CLASP1: variants seen among roughly 807,000 people sequenced by gnomAD.
CLASP1 encodes CLIP-associating protein 1.
In CLASP1, 38 loss-of-function variants were observed where a neutral mutation model predicts 192.3. The observed-to-expected ratio is 0.20, with a 90% confidence interval of 0.15 to 0.26. The LOEUF is 0.26. CLASP1 is among the 10% of genes least tolerant of loss of function. The probability of loss-of-function intolerance (pLI) is 1.00; values close to 1 mark genes in which losing one functional copy is unlikely to be tolerated. For missense variants in CLASP1, 1,433 were observed against 1,932.5 expected (o/e 0.74, Z 4.85); for synonymous variants, 691 against 712.8 (o/e 0.97, Z 0.49).
At chr2:121,532,541 A>G (rs1158668628) in intron 2 of CLASP1, 1 of 152,212 alleles carries the variant, frequency 6.6e-6, no homozygotes, top group Non-Finnish European at 1.5e-5. Context: ...CAGTCTAAAC[A>G]TGAGGAAAAC....
At chr2:121,482,888 C>T (rs2092698355) in intron 8 of CLASP1, among the ~76,000 whole-genome samples, 1 of 152,152 alleles carries the variant, frequency 6.6e-6, no homozygotes, top group African/African-American at 2.4e-5. Flanking sequence ...CAAACTCTCC[C>T]CAGGACCGGA....
intron 1 of CLASP1, among the ~76,000 whole-genome samples, chr2:121,630,690 T>C (rs981993053): frequency 2.1e-5 from 3 of 144,656 alleles, no homozygotes; most frequent in Non-Finnish European, 4.5e-5. Context: ...ATGGCAAAAC[T>C]CTGTCTCTAC....
chr2:121,382,830 G>C (rs1261016614), intron 32 of CLASP1, among the ~76,000 whole-genome samples: 2 of 152,208 alleles, frequency 1.3e-5, no homozygotes, highest in African/African-American at 2.4e-5. Flanking sequence ...CTCCAGCATG[G>C]AGCAGTGCAT....
At chr2:121,431,749 T>G (rs969878026) in intron 19 of CLASP1, among the ~76,000 whole-genome samples, 5 of 151,868 alleles carry the variant, frequency 3.3e-5, no homozygotes, top group African/African-American at 4.8e-5. Context: ...TCCCTTGGTT[T>G]TTTTTTTTTT....
intron 6 of CLASP1, among the ~76,000 whole-genome samples, chr2:121,524,348 T>C (rs1490857684): frequency 1.3e-5 from 2 of 152,144 alleles, no homozygotes; most frequent in African/African-American, 2.4e-5. Flanking sequence ...TTTGGTAACT[T>C]AGAATCTTTT....
chr2:121,570,285 G>T (rs939617610), intron 2 of CLASP1, among the ~76,000 whole-genome samples: 2 of 152,210 alleles, frequency 1.3e-5, no homozygotes, highest in African/African-American at 2.4e-5. Context: ...CTATCACTAG[G>T]GTGGGAGGAA....
At chr2:121,434,229 A>C (rs1377243778) in intron 19 of CLASP1, among the ~76,000 whole-genome samples, 1 of 152,164 alleles carries the variant, frequency 6.6e-6, no homozygotes, top group Non-Finnish European at 1.5e-5. Flanking sequence ...CAAAGCTGTC[A>C]TAGGTTTATC....
chr2:121,552,790 CAA>C (rs2058160632), intron 2 of CLASP1, among the ~76,000 whole-genome samples: 1 of 152,204 alleles, frequency 6.6e-6, no homozygotes, highest in Non-Finnish European at 1.5e-5. Context: ...GGCAATTCCT[CAA>C]AGAGCTAGAA....
At chr2:121,519,572 G>C (rs1378024138) in intron 6 of CLASP1, among the ~76,000 whole-genome samples, 1 of 152,188 alleles carries the variant, frequency 6.6e-6, no homozygotes. Flanking sequence ...GCAGGCACAA[G>C]CATACACACA....
chr2:121,387,986 T>C (rs1376404730), intron 30 of CLASP1, 80 bp from the exon 32 acceptor site: 2 of 1,134,906 alleles, frequency 1.8e-6, no homozygotes, highest in African/African-American at 1.6e-5. Flanking sequence ...TAAAAAAATA[T>C]TTTATAAGTA....
intron 2 of CLASP1, among the ~76,000 whole-genome samples, chr2:121,565,775 G>A (rs879873351): frequency 6.6e-6 from 1 of 152,214 alleles, no homozygotes; most frequent in Non-Finnish European, 1.5e-5. Flanking sequence ...GCATGCTCAA[G>A]TCTAGATGCT....
At chr2:121,449,181 CTCTGGAG>C in intron 16 of CLASP1, 61 bp from the exon 17 acceptor site, 4 of 1,443,420 alleles carry the variant, frequency 2.8e-6, no homozygotes, top group Non-Finnish European at 3.8e-6. Flanking sequence ...TTTTGCTGAA[CTCTGGAG>C]TACACCACAG....
intron 38 of CLASP1, 119 bp from the exon 40 acceptor site, chr2:121,347,273 A>C (rs2063565914): frequency 1.4e-6 from 1 of 698,306 alleles, no homozygotes; most frequent in Admixed American, 2.2e-5. Flanking sequence ...TGTCAGTAAC[A>C]ACCAGGATAG....
chr2:121,408,956 G>T, intron 24 of CLASP1: 1 of 1,399,246 alleles, frequency 7.1e-7, no homozygotes, highest in Non-Finnish European at 9.8e-7. Context: ...GTTTTCACTA[G>T]CTTCTAAAAG....
At chr2:121,492,682 A>T (rs939381178) in intron 8 of CLASP1, among the ~76,000 whole-genome samples, 18 of 151,946 alleles carry the variant, frequency 1.2e-4, no homozygotes, top group African/African-American at 1.9e-4. Context: ...AATAAAAAAA[A>T]AAAAAAACAA....
intron 8 of CLASP1, among the ~76,000 whole-genome samples, chr2:121,486,219 T>A (rs2092962687): frequency 6.6e-6 from 1 of 152,180 alleles, no homozygotes; most frequent in South Asian, 2.1e-4. Context: ...TCATCATTTA[T>A]CCCTCAAAAA....
intron 37 of CLASP1, among the ~76,000 whole-genome samples, chr2:121,351,262 A>T (rs755975022): frequency 2.0e-5 from 3 of 152,162 alleles, no homozygotes; most frequent in Non-Finnish European, 4.4e-5. Context: ...GCCCCTGCCC[A>T]GGCCTCCCTA....
chr2:121,586,994 A>G (rs536822265), intron 2 of CLASP1, among the ~76,000 whole-genome samples: 5 of 152,066 alleles, frequency 3.3e-5, no homozygotes, highest in Non-Finnish European at 7.4e-5. Context: ...TGTAATCCCA[A>G]CACTTTGGGA....
chr2:121,539,751 A>G (rs538497220), intron 2 of CLASP1, among the ~76,000 whole-genome samples: 1 of 152,336 alleles, frequency 6.6e-6, no homozygotes, highest in African/African-American at 2.4e-5. Context: ...TTTCTAGAAT[A>G]TATAAAGGTG....
Sources: allele counts gnomAD v4.1 joint callset (sites outside exome capture counted in the v4.1 genomes callset), GRCh38; gene constraint gnomAD v4.1.1; transcripts MANE v1.5; gene names NCBI Gene and HGNC (gene_info 2026-07-23, HGNC 2026-07-21).